IVNS1ABP: variants seen among roughly 807,000 people sequenced by gnomAD.
IVNS1ABP encodes the protein influenza virus NS1A binding protein.
A neutral mutation model predicts 78.9 loss-of-function variants in IVNS1ABP; 25 were observed. The observed-to-expected ratio is 0.32, with a 90% CI of 0.23 to 0.44. IVNS1ABP has a LOEUF of 0.44. IVNS1ABP is among the 20% of genes least tolerant of loss of function. The probability of loss-of-function intolerance (pLI) is 1.00; values close to 1 mark genes in which losing one functional copy is unlikely to be tolerated. For missense variants in IVNS1ABP, 494 were observed against 768.9 expected (o/e 0.64, Z 4.23); for synonymous variants, 241 against 259.7 (o/e 0.93, Z 0.69).
At chr1:185,314,056 TAAAAC>T (rs1280695931) in intron 1 of IVNS1ABP, among the ~76,000 whole-genome samples, 4 of 152,172 alleles carry the variant, frequency 2.6e-5, no homozygotes, top group Admixed American at 2.0e-4. Flanking sequence ...AAGACCAAGA[TAAAAC>T]AAAAGACAAT....
chr1:185,316,305 G>A (rs1040383232), intron 1 of IVNS1ABP, among the ~76,000 whole-genome samples: 5 of 151,962 alleles, frequency 3.3e-5, no homozygotes, highest in Non-Finnish European at 7.4e-5. Flanking sequence ...GTACCGACAC[G>A]TCAGGGCAGC....
chr1:185,298,503 G>C lies in IVNS1ABP; in HGVS notation c.1676-215C>G. On this transcript the variant is annotated intron_variant, in intron 14 of 14. Coordinates refer to ENST00000367498, the MANE Select transcript of IVNS1ABP (RefSeq NM_006469.5). The surrounding 1 kb of genome is among the most constrained non-coding windows in gnomAD (Gnocchi z 4.1). ...AAAACCATTCCCACGTGGAACTTAG[G>C]CAACTTAAAAGGGGGAGGGAGAGGA... The C allele has an allele frequency of 1.8e-6, 1 of 546,848 alleles. No individual in the cohort carries two copies. The highest frequency in any genetic ancestry group is 2.5e-5 in the South Asian group (1 of 39,390). 33.9% of individuals were successfully genotyped at this position (546,848 alleles called of 1,614,324 possible).
intron 1 of IVNS1ABP, among the ~76,000 whole-genome samples, chr1:185,316,672 T>C (rs921448014): frequency 5.9e-5 from 9 of 152,064 alleles, no homozygotes; most frequent in African/African-American, 2.2e-4. Flanking sequence ...CGCGCCAGTG[T>C]AGCAAAGGGG....
rs377475290 is a variant in IVNS1ABP, at chr1:185,309,522, A to G, written c.-18-11T>C. 1.2e-4 allele frequency: 155 copies of G among 1,333,696 alleles called. No homozygotes were observed. Among genetic ancestry groups the G allele is most frequent in the Non-Finnish European group, 1.7e-4 (154 of 928,354 alleles). The allele number at this position is 1,333,696 out of a possible 1,614,324, so 82.6% of individuals were successfully genotyped here. A position where few individuals can be genotyped will look rare whatever the true frequency, so the allele number is the denominator to read the frequency against. On this transcript the variant is annotated splice_polypyrimidine_tract_variant and intron_variant, in intron 2 of 14. Coordinates refer to ENST00000367498, the MANE Select transcript of IVNS1ABP (RefSeq NM_006469.5). ...TCCTTATAAATTTGGCTAGATGATG[A>G]AAAGAAAGCTGAGTTATTTTACTTG... is the stretch of plus-strand genomic sequence containing the variant.
Position 185,298,325 on chromosome 1 carries a change from A to G in IVNS1ABP, c.1676-37T>C, listed in dbSNP as rs1440026557. On this transcript the variant is annotated intron_variant, in intron 14 of 14. Coordinates refer to ENST00000367498, the MANE Select transcript of IVNS1ABP (RefSeq NM_006469.5). This position sits in a 1 kb window ranked among gnomAD's most constrained non-coding sequence, Gnocchi z 4.1. ...ATGAGATGGGGTAAATCCAGAGATT[A>G]AAGTGTAATAAGGTAAAACTCCCCT... 1.3e-6 allele frequency: 2 copies of G among 1,589,810 alleles called. No homozygotes were observed. Among genetic ancestry groups the G allele is most frequent in the Admixed American group, 1.7e-5 (1 of 58,110 alleles).
rs544987288 is a variant in IVNS1ABP at position 185,308,797 on chromosome 1, T to G, written c.357+3A>C. On this transcript the variant is annotated splice_donor_region_variant and intron_variant, in intron 5 of 14. Coordinates refer to ENST00000367498, the MANE Select transcript of IVNS1ABP (RefSeq NM_006469.5). ...ATGATTTTATTTACTTCTGATACTC[T>G]ACCTGCTTTACTCGATCCATCTTCA... 1 of 1,598,128 alleles carries G rather than the reference T, an allele frequency of 6.3e-7. No homozygotes were observed. The highest frequency in any genetic ancestry group is 1.3e-5 in the African/African-American group (1 of 74,624).
chr1:185,309,647 A>C (rs1268449572), intron 2 of IVNS1ABP, 136 bp from the exon 3 acceptor site: 2 of 583,410 alleles, frequency 3.4e-6, no homozygotes, highest in African/African-American at 1.9e-5. Flanking sequence ...ATCACACAAA[A>C]ACTTAGCTGA....
chr1:185,297,472 G>GT lies in IVNS1ABP; in HGVS notation c.*562dup, dbSNP rs1279424402. The GT allele has an allele frequency of 1.3e-5, 2 of 152,646 alleles. No individual in the cohort carries two copies. Among genetic ancestry groups the GT allele is most frequent in the African/African-American group, 4.8e-5 (2 of 41,406 alleles). The allele number at this position is 152,646 out of a possible 1,614,324, so 9.5% of individuals were successfully genotyped here. On this transcript the variant is annotated 3_prime_UTR_variant, in exon 15 of 15. Transcript: ENST00000367498. ...AGCCTGCCACATTTTACTTCAATTG[G>GT]TAAAGCACTCTGCTGAGAATATAAA...
At chr1:185,311,451 C>T (rs1049357931) in intron 1 of IVNS1ABP, 129 bp from the exon 2 acceptor site, 2 of 365,506 alleles carry the variant, frequency 5.5e-6, no homozygotes, top group African/African-American at 4.2e-5. Context: ...AAAATATTCC[C>T]ATTACATAAA....
rs992419141 is a variant in IVNS1ABP at position 185,297,775 on chromosome 1, A to G, written c.*260T>C. 1 of 464,970 alleles carries G rather than the reference A, an allele frequency of 2.2e-6. No homozygotes were observed. Among genetic ancestry groups the G allele is most frequent in the African/African-American group, 2.0e-5 (1 of 51,054 alleles). 28.8% of individuals were successfully genotyped at this position (464,970 alleles called of 1,614,324 possible). ...GGGGACTTCTTGAAATGATGTGCCCAATCAATTCTTGGTTTATTCTTTTCC... is the reference window on the plus strand; with the variant it reads ...GGGGACTTCTTGAAATGATGTGCCCGATCAATTCTTGGTTTATTCTTTTCC... On this transcript the variant is annotated 3_prime_UTR_variant, in exon 15 of 15. Transcript: ENST00000367498.
At chr1:185,308,156 G>C in intron 5 of IVNS1ABP, 1 of 1,179,536 alleles carries the variant, frequency 8.5e-7, no homozygotes, top group Non-Finnish European at 1.2e-6. Context: ...GAACAAAGGA[G>C]TGGTATTAGA....
intron 2 of IVNS1ABP, among the ~76,000 whole-genome samples, chr1:185,310,138 T>C (rs1475323188): frequency 6.6e-6 from 1 of 152,244 alleles, no homozygotes; most frequent in Non-Finnish European, 1.5e-5. Context: ...TATAAATGTT[T>C]TGAAACATAT....
At chr1:185,299,610 T>TAA in intron 14 of IVNS1ABP, 100 bp downstream of exon 14, 1 of 1,085,798 alleles carries the variant, frequency 9.2e-7, no homozygotes, top group Non-Finnish European at 1.4e-6. Flanking sequence ...GCTTCTGAAT[T>TAA]CTTAACTGTA....
At chr1:185,301,664 A>T in intron 8 of IVNS1ABP, 101 bp from the exon 9 acceptor site, 1 of 1,316,208 alleles carries the variant, frequency 7.6e-7, no homozygotes, top group South Asian at 1.3e-5. Flanking sequence ...CTTCACCTAT[A>T]TATGACATTT....
At position 185,300,211 on chromosome 1, in the gene IVNS1ABP, T is replaced by C. The variant is rs781008550; in HGVS notation, c.1369+6A>G. 6.2e-7 allele frequency: 1 copy of C among 1,612,596 alleles called. No individual in the cohort carries two copies. Among genetic ancestry groups the C allele is most frequent in the Non-Finnish European group, 8.5e-7 (1 of 1,179,298 alleles). ...ACTGGATATCTCAGGAGAAAACTAT[T>C]ATTACCTGCATTACAACGGTTAGTT... On this transcript the variant is annotated splice_donor_region_variant and intron_variant, in intron 12 of 14. Coordinates refer to ENST00000367498, the MANE Select transcript of IVNS1ABP (RefSeq NM_006469.5).
intron 8 of IVNS1ABP, among the ~76,000 whole-genome samples, chr1:185,303,392 T>C (rs532622972): frequency 6.6e-6 from 1 of 152,258 alleles, no homozygotes; most frequent in East Asian, 1.9e-4. Flanking sequence ...TTTTACAACA[T>C]GATTAGATTC....
intron 1 of IVNS1ABP, among the ~76,000 whole-genome samples, chr1:185,314,197 C>T (rs985445792): frequency 1.3e-5 from 2 of 152,198 alleles, no homozygotes; most frequent in Non-Finnish European, 2.9e-5. Flanking sequence ...AAAGTAACCT[C>T]TAAAACCACC....
In IVNS1ABP at chr1:185,298,063, C is replaced by A. The variant is rs373219611; in HGVS notation, c.1901G>T (p.Ser634Ile). The change falls in exon 15 of 15, where the codon AGC (serine) becomes ATC (isoleucine). Residue 634 changes from serine to isoleucine, a missense_variant. Ser to Ile is a moderately radical substitution (Grantham distance 142). Coordinates refer to ENST00000367498, the MANE Select transcript of IVNS1ABP (RefSeq NM_006469.5). The surrounding 1 kb of genome is among the most constrained non-coding windows in gnomAD (Gnocchi z 4.1). ...EVYNLESNEWSPYTKIFQF is the reference protein window; with the variant it reads ...EVYNLESNEWIPYTKIFQF ...AAACTGGAAAATCTTTGTATAGGGGCTCCATTCATTTGACTCAAGGTTATA... is the reference window on the plus strand; with the variant it reads ...AAACTGGAAAATCTTTGTATAGGGGATCCATTCATTTGACTCAAGGTTATA... 1.2e-6 allele frequency: 2 copies of A among 1,613,540 alleles called. No individual in the cohort carries two copies. The highest frequency in any genetic ancestry group is 1.1e-5 in the South Asian group (1 of 91,066).
Position 185,301,093 on chromosome 1 carries a change from T to C in IVNS1ABP, c.999A>G (p.Leu333=), listed in dbSNP as rs763021764. The C allele has an allele frequency of 5.0e-6, 8 of 1,613,396 alleles. No homozygotes were observed. Among genetic ancestry groups the C allele is most frequent in the Non-Finnish European group, 6.8e-6 (8 of 1,179,676 alleles). The change falls in exon 10 of 15, where the codon CTA becomes CTG. Residue 333 remains leucine, a synonymous_variant. Transcript: ENST00000367498. ...GCATCTCAAAGCTTAAACTCTTACTTAGTTTTGGAGTACTTGTTGGTGAGC... is the reference window on the plus strand; with the variant it reads ...GCATCTCAAAGCTTAAACTCTTACTCAGTTTTGGAGTACTTGTTGGTGAGC... ...PQSSPTSTPK[L]SKSLSFEMQQ...
Sources: allele counts gnomAD v4.1 joint callset (sites outside exome capture counted in the v4.1 genomes callset), GRCh38; gene constraint gnomAD v4.1.1; non-coding constraint Gnocchi (gnomAD v3.1); transcripts MANE v1.5; gene names NCBI Gene and HGNC (gene_info 2026-07-23, HGNC 2026-07-21).